PAPPA: variants seen among roughly 807,000 people sequenced by gnomAD.
The protein encoded by PAPPA is pappalysin 1, also known as pappalysin-1.
A neutral mutation model predicts 164.0 loss-of-function variants in PAPPA; 60 were observed. The ratio of observed to expected loss-of-function variants is 0.37; its 90% CI spans 0.30 to 0.45. The LOEUF (loss-of-function observed/expected upper bound fraction) is 0.45. Among genes scored for constraint, PAPPA ranks in the 20% least tolerant of loss-of-function variants. The pLI is 1.00. For missense variants in PAPPA, 1,782 were observed against 2,087.3 expected (o/e 0.85, Z 2.85); for synonymous variants, 875 against 814.1 (o/e 1.07, Z -1.27).
chr9:116,329,243 C>A (rs1845959639), intron 10 of PAPPA, among the ~76,000 whole-genome samples: 1 of 152,128 alleles, frequency 6.6e-6, no homozygotes, highest in Non-Finnish European at 1.5e-5. Context: ...AAATTCAGAC[C>A]TGGTCCCGTT....
At chr9:116,299,577 T>C (rs1385895750) in intron 9 of PAPPA, among the ~76,000 whole-genome samples, 1 of 152,210 alleles carries the variant, frequency 6.6e-6, no homozygotes, top group Non-Finnish European at 1.5e-5. Flanking sequence ...CCTATTTTTC[T>C]TTACATTGGA....
At chr9:116,346,719 G>A (rs1846214632) in intron 14 of PAPPA, among the ~76,000 whole-genome samples, 1 of 152,144 alleles carries the variant, frequency 6.6e-6, no homozygotes, top group Non-Finnish European at 1.5e-5. Context: ...TCGTGATCTG[G>A]GAGGCACTAT....
intron 15 of PAPPA, among the ~76,000 whole-genome samples, chr9:116,352,060 A>G (rs980308543): frequency 1.3e-5 from 2 of 152,208 alleles, no homozygotes; most frequent in African/African-American, 4.8e-5. Flanking sequence ...CAGCTTCCCA[A>G]TGGCAGTCAG....
At chr9:116,351,750 AT>A (rs1217723345) in intron 15 of PAPPA, among the ~76,000 whole-genome samples, 1 of 152,212 alleles carries the variant, frequency 6.6e-6, no homozygotes, top group African/African-American at 2.4e-5. Flanking sequence ...AATAAATGAG[AT>A]TGCATATCAG....
At chr9:116,238,059 A>G (rs887490863) in intron 7 of PAPPA, among the ~76,000 whole-genome samples, 1 of 152,138 alleles carries the variant, frequency 6.6e-6, no homozygotes, top group Admixed American at 6.5e-5. Flanking sequence ...AAACTGGGAC[A>G]TTTAAAAATT....
At chr9:116,241,397 C>G (rs552852223) in intron 7 of PAPPA, among the ~76,000 whole-genome samples, 6 of 152,306 alleles carry the variant, frequency 3.9e-5, no homozygotes, top group Non-Finnish European at 7.4e-5. Context: ...GGAAAGTCCT[C>G]TCTGATGAGA....
intron 5 of PAPPA, among the ~76,000 whole-genome samples, chr9:116,225,941 A>G (rs1844502020): frequency 6.6e-6 from 1 of 152,134 alleles, no homozygotes. Context: ...AAATAAAAAG[A>G]TGGTTATTAG....
At chr9:116,362,818 T>G in intron 18 of PAPPA, 79 bp downstream of exon 18, 1 of 1,394,446 alleles carries the variant, frequency 7.2e-7, no homozygotes, top group Non-Finnish European at 9.8e-7. Context: ...GGTGGGTCAT[T>G]GAACACCCTG....
chr9:116,356,903 A>G (rs973248869), intron 17 of PAPPA, among the ~76,000 whole-genome samples: 26 of 152,228 alleles, frequency 1.7e-4, no homozygotes, highest in Admixed American at 1.7e-3. Context: ...TGGCACCTGT[A>G]TACCCATGTA....
At chr9:116,382,637 A>ATTCT (rs1846747767) in intron 21 of PAPPA, 144 bp downstream of exon 21, 1 of 589,868 alleles carries the variant, frequency 1.7e-6, no homozygotes, top group South Asian at 2.2e-5. Context: ...TTTAATTTTT[A>ATTCT]TTCTTTTGGT....
chr9:116,212,312 G>A (rs1300926868), intron 4 of PAPPA, among the ~76,000 whole-genome samples: 1 of 152,028 alleles, frequency 6.6e-6, no homozygotes, highest in Non-Finnish European at 1.5e-5. Flanking sequence ...ATGAGATTGA[G>A]TATGATTTTT....
chr9:116,199,028 C>G (rs377259279), intron 2 of PAPPA, among the ~76,000 whole-genome samples: 1 of 151,934 alleles, frequency 6.6e-6, no homozygotes, highest in Admixed American at 6.6e-5. Flanking sequence ...GTGGTTTTTG[C>G]CATTTAAAAG....
intron 5 of PAPPA, among the ~76,000 whole-genome samples, chr9:116,220,696 G>T (rs1198454208): frequency 6.6e-6 from 1 of 151,658 alleles, no homozygotes; most frequent in Non-Finnish European, 1.5e-5. Context: ...AGACCAGCCT[G>T]ACCAACACAG....
intron 9 of PAPPA, among the ~76,000 whole-genome samples, chr9:116,279,334 A>C (rs768747645): frequency 3.6e-4 from 55 of 152,106 alleles, no homozygotes; most frequent in Non-Finnish European, 7.1e-4. Flanking sequence ...GATCTGAAGT[A>C]CTCAACAGGG....
chr9:116,335,117 G>T (rs548828491), intron 13 of PAPPA, 43 bp downstream of exon 13: 2 of 1,488,902 alleles, frequency 1.3e-6, no homozygotes, highest in African/African-American at 1.4e-5. Flanking sequence ...ACTTGTAGCC[G>T]AGTGGAGACA....
Position 116,225,419 on chromosome 9 carries a change from G to A in PAPPA, c.2112-2012G>A, listed in dbSNP as rs560590662. ...AAACCAGAAAGAGTAATAATAGGGG[G>A]TGGGATCAATCATCCTATATTCCAT... On this transcript the variant is annotated intron_variant, in intron 5 of 21. Transcript: ENST00000328252. Among the ~76,000 whole-genome samples the A allele has an allele frequency of 8.5e-5, 13 of 152,278 alleles. No homozygotes were observed. In the South Asian group the frequency reaches 2.7e-3, roughly 32 times the overall value.
intron 6 of PAPPA, among the ~76,000 whole-genome samples, chr9:116,233,461 T>G (rs1844622450): frequency 6.6e-6 from 1 of 152,188 alleles, no homozygotes; most frequent in African/African-American, 2.4e-5. Flanking sequence ...CTACTTGTGT[T>G]TTACACCCTA....
chr9:116,279,581 C>T (rs971632000), intron 9 of PAPPA, among the ~76,000 whole-genome samples: 3 of 152,204 alleles, frequency 2.0e-5, no homozygotes, highest in Admixed American at 6.5e-5. Context: ...CTCAGGGAAC[C>T]GACTTGGTGC....
chr9:116,334,402 G>A (rs190449045), intron 12 of PAPPA, among the ~76,000 whole-genome samples: 3 of 152,266 alleles, frequency 2.0e-5, no homozygotes, highest in Admixed American at 2.0e-4. Flanking sequence ...TCTCAGGGCT[G>A]CTCCCAGGTT....
Sources: allele counts gnomAD v4.1 joint callset (sites outside exome capture counted in the v4.1 genomes callset), GRCh38; gene constraint gnomAD v4.1.1; transcripts MANE v1.5; gene names NCBI Gene and HGNC (gene_info 2026-07-23, HGNC 2026-07-21).